OSBPL8: variants seen among roughly 807,000 people sequenced by gnomAD.
The protein encoded by OSBPL8 is oxysterol binding protein like 8, also known as oxysterol-binding protein-related protein 8.
In OSBPL8, 59 loss-of-function variants were observed where a neutral mutation model predicts 125.5. The ratio of observed to expected loss-of-function variants is 0.47; its 90% confidence interval spans 0.38 to 0.58. The LOEUF is 0.58. Ranked by LOEUF, OSBPL8 falls within the 20% of genes least tolerant of loss-of-function variation. OSBPL8 has a pLI of 0.00. For synonymous variants in OSBPL8, 330 were observed against 338.9 expected (o/e 0.97, Z 0.29); for missense variants, 758 against 1,047.8 (o/e 0.72, Z 3.82).
chr12:76,472,659 T>G (rs878889142), intron 2 of OSBPL8, among the ~76,000 whole-genome samples: 1 of 152,336 alleles, frequency 6.6e-6, no homozygotes, highest in East Asian at 1.9e-4. Flanking sequence ...GCCTGGCAGC[T>G]GAGGCAGAGA....
At chr12:76,503,095 C>T (rs1012319479) in intron 1 of OSBPL8, among the ~76,000 whole-genome samples, 4 of 152,142 alleles carry the variant, frequency 2.6e-5, no homozygotes, top group East Asian at 1.9e-4. Flanking sequence ...ACAGTTGTAC[C>T]GTTGGGTGGA....
intron 15 of OSBPL8, among the ~76,000 whole-genome samples, chr12:76,380,598 T>G (rs1189059456): frequency 6.6e-6 from 1 of 152,016 alleles, no homozygotes; most frequent in Non-Finnish European, 1.5e-5. Context: ...TGATTTTTCT[T>G]TTTTGACCAT....
chr12:76,463,958 A>T (rs923548442), intron 2 of OSBPL8, among the ~76,000 whole-genome samples: 1 of 152,230 alleles, frequency 6.6e-6, no homozygotes, highest in African/African-American at 2.4e-5. Context: ...TGTATAACAC[A>T]TGAATAAAAA....
chr12:76,502,141 C>T (rs1473983834), intron 1 of OSBPL8, among the ~76,000 whole-genome samples: 4 of 152,136 alleles, frequency 2.6e-5, no homozygotes, highest in Non-Finnish European at 5.9e-5. Flanking sequence ...ATACATGGAT[C>T]GCCAGAAGGC....
At chr12:76,491,532 T>C (rs1011145554) in intron 1 of OSBPL8, among the ~76,000 whole-genome samples, 1 of 152,166 alleles carries the variant, frequency 6.6e-6, no homozygotes, top group African/African-American at 2.4e-5. Context: ...ATCAATAGAG[T>C]AGCCCAAGAG....
chr12:76,525,104 T>A (rs987943023), intron 1 of OSBPL8, among the ~76,000 whole-genome samples: 3 of 152,178 alleles, frequency 2.0e-5, no homozygotes, highest in African/African-American at 7.2e-5. Context: ...GAGAAACCTA[T>A]GGCTTAAAAG....
intron 1 of OSBPL8, among the ~76,000 whole-genome samples, chr12:76,555,986 C>G (rs1951084452): frequency 1.3e-5 from 2 of 152,182 alleles, no homozygotes; most frequent in African/African-American, 4.8e-5. Context: ...TCTTCAGACA[C>G]ACAGCCCACA....
In OSBPL8 at chr12:76,386,169, T is replaced by C; in HGVS notation, c.1532A>G (p.Gln511Arg). The C allele has an allele frequency of 6.2e-7, 1 of 1,606,414 alleles. No individual in the cohort carries two copies. Among genetic ancestry groups the C allele is most frequent in the Non-Finnish European group, 8.5e-7 (1 of 1,177,592 alleles). Residue 511 changes from glutamine (Q) to arginine (R), a missense_variant and splice_region_variant, in exon 14 of 24, where the codon CAG becomes CGG. By Grantham distance (43) the Gln-to-Arg change is conservative. This residue lies in a region of OSBPL8 where 572 missense variants were observed against 762.0 expected (regional missense o/e 0.75). Coordinates refer to ENST00000261183, the MANE Select transcript of OSBPL8 (RefSeq NM_020841.5). ...TNSKTFYIAE[Q>R]VSHHPPISAF... ...TTTCCATACATGCATTTCTAATACC[T>C]GTTCAGCAATATAAAAAGTTTTGCT...
chr12:76,542,366 T>A (rs934154235), intron 1 of OSBPL8, among the ~76,000 whole-genome samples: 1 of 152,174 alleles, frequency 6.6e-6, no homozygotes, highest in Non-Finnish European at 1.5e-5. Context: ...CACTACCACC[T>A]TCAGTGCAGG....
chr12:76,514,358 G>A (rs960965305), intron 1 of OSBPL8, among the ~76,000 whole-genome samples: 1 of 148,658 alleles, frequency 6.7e-6, no homozygotes, highest in Non-Finnish European at 1.5e-5. Context: ...TCACCATATT[G>A]GCCAGGCTGG....
chr12:76,450,758 A>G (rs1212752370), intron 4 of OSBPL8, 93 bp downstream of exon 4: 6 of 1,316,874 alleles, frequency 4.6e-6, no homozygotes, highest in Non-Finnish European at 6.1e-6. Context: ...AAAAAGAAAA[A>G]AAATATGATA....
At chr12:76,399,601 T>C (rs1953963619) in intron 7 of OSBPL8, among the ~76,000 whole-genome samples, 1 of 152,228 alleles carries the variant, frequency 6.6e-6, no homozygotes, top group South Asian at 2.1e-4. Context: ...GCATATTGTA[T>C]TAGACAACAT....
chr12:76,380,894 C>T (rs979767752), intron 15 of OSBPL8, among the ~76,000 whole-genome samples: 1 of 152,060 alleles, frequency 6.6e-6, no homozygotes, highest in Non-Finnish European at 1.5e-5. Flanking sequence ...TCATAGATGC[C>T]TTTAATCTAG....
In OSBPL8 at chr12:76,390,735, CATTT is replaced by C. The variant is rs1421704789; in HGVS notation, c.930-82_930-79del. 4.6e-6 allele frequency: 4 copies of C among 861,430 alleles called. No homozygotes were observed. The African/African-American group carries it at 5.1e-5, about 11-fold the overall frequency. 53.4% of individuals were successfully genotyped at this position (861,430 alleles called of 1,614,324 possible). On this transcript the variant is annotated intron_variant, in intron 10 of 23. Coordinates refer to ENST00000261183, the MANE Select transcript of OSBPL8 (RefSeq NM_020841.5). The stretch of plus-strand genomic sequence containing the variant: ...ATTCATAAATAATAATTATATACAA[CATTT>C]ATTGAGAATTTACTATGTGCCAGAC...
intron 19 of OSBPL8, 80 bp downstream of exon 19, chr12:76,371,368 G>A (rs1304967219): frequency 1.8e-5 from 25 of 1,392,760 alleles, no homozygotes; most frequent in Non-Finnish European, 9.5e-7. Context: ...GACAGAAGGT[G>A]ACAAAATGAC....
intron 3 of OSBPL8, among the ~76,000 whole-genome samples, chr12:76,456,924 A>C (rs1351802779): frequency 1.3e-5 from 2 of 152,206 alleles, no homozygotes; most frequent in Non-Finnish European, 2.9e-5. Flanking sequence ...TCTAGAGCTA[A>C]ATATTAAGCA....
chr12:76,530,852 ATAAC>A (rs1950319659), intron 1 of OSBPL8, among the ~76,000 whole-genome samples: 1 of 152,230 alleles, frequency 6.6e-6, no homozygotes, highest in Non-Finnish European at 1.5e-5. Context: ...CCCTGAAGAC[ATAAC>A]TAACAAAGGA....
chr12:76,431,510 G>C (rs894986037), intron 4 of OSBPL8, among the ~76,000 whole-genome samples: 1 of 152,134 alleles, frequency 6.6e-6, no homozygotes, highest in Non-Finnish European at 1.5e-5. Context: ...ACTATATGCT[G>C]TTTACAAGAA....
At position 76,530,608 on chromosome 12, in the gene OSBPL8, G is replaced by A. The variant is rs183497271; in HGVS notation, c.-68+28789C>T. Among the ~76,000 whole-genome samples, 8 of 152,152 alleles carry A rather than the reference G, an allele frequency of 5.3e-5. No individual in the cohort carries two copies. The East Asian group carries it at 1.4e-3, about 26-fold the overall frequency. ...CATTTGTTTATATCCCCACATGTAAGTATAGTATATTATATCCCCAAATAG... is the reference window on the plus strand; with the variant it reads ...CATTTGTTTATATCCCCACATGTAAATATAGTATATTATATCCCCAAATAG... On this transcript the variant is annotated intron_variant, in intron 1 of 23. Transcript: ENST00000261183.
Sources: gnomAD v4.1 joint callset for allele counts (sites outside exome capture counted in the v4.1 genomes callset) on GRCh38, gnomAD v4.1.1 for gene constraint, gnomAD v4.1.1 regional missense constraint, MANE v1.5 for transcripts, NCBI Gene and HGNC (gene_info 2026-07-23, HGNC 2026-07-21) for gene names.